Variants in KCND2 observed in about 807,000 individuals in gnomAD.
KCND2 encodes A-type voltage-gated potassium channel KCND2.
In KCND2, 16 loss-of-function variants were observed where a neutral mutation model predicts 54.4. The ratio of observed to expected loss-of-function variants is 0.29; its 90% confidence interval spans 0.20 to 0.45. KCND2 has a LOEUF of 0.45. Among genes scored for constraint, KCND2 ranks in the 20% least tolerant of loss-of-function variants. The pLI, the probability that KCND2 is intolerant of heterozygous loss-of-function variation, is 1.00. For missense variants in KCND2, 486 were observed against 824.2 expected, an observed-to-expected ratio of 0.59 and a Z score of 5.02; for synonymous variants, 317 against 310.7, an observed-to-expected ratio of 1.02 and a Z score of -0.21.
At chr7:120,565,669 G>A (rs1584830647) in intron 1 of KCND2, among the ~76,000 whole-genome samples, 2 of 152,114 alleles carry the variant, frequency 1.3e-5, no homozygotes, top group African/African-American at 4.8e-5. Flanking sequence ...AAAATAAAGT[G>A]CATATCTATT....
At chr7:120,722,423 C>T (rs766618223) in intron 1 of KCND2, among the ~76,000 whole-genome samples, 5 of 152,192 alleles carry the variant, frequency 3.3e-5, no homozygotes, top group Non-Finnish European at 7.4e-5. Context: ...ACAATACCAT[C>T]ATCTCAGTCA....
At chr7:120,654,370 C>T (rs1376385974) in intron 1 of KCND2, among the ~76,000 whole-genome samples, 1 of 152,118 alleles carries the variant, frequency 6.6e-6, no homozygotes, top group Non-Finnish European at 1.5e-5. Context: ...TTGTATCTTG[C>T]TGGCTAGCAT....
chr7:120,653,341 G>A lies in KCND2; in HGVS notation c.1116-79562G>A, dbSNP rs534502743. The stretch of plus-strand genomic sequence containing the variant: ...AATTATAGATGCAGGCCACCACATC[G>A]GGCCCCTCTTTACAATTCTGCCTCA... On this transcript the variant is annotated intron_variant, in intron 1 of 5. Coordinates refer to ENST00000331113, the MANE Select transcript of KCND2 (RefSeq NM_012281.3). Among the ~76,000 whole-genome samples, 20 of 151,660 alleles carry A rather than the reference G, an allele frequency of 1.3e-4. No individual in the cohort carries two copies. The South Asian group carries it at 2.5e-3, about 19-fold the overall frequency.
intron 1 of KCND2, among the ~76,000 whole-genome samples, chr7:120,551,155 A>G (rs941273232): frequency 6.6e-6 from 1 of 152,250 alleles, no homozygotes; most frequent in Non-Finnish European, 1.5e-5. Flanking sequence ...TGGGGAATAA[A>G]GGGAATAGAA....
chr7:120,732,351 C>G (rs1792818637), intron 1 of KCND2, among the ~76,000 whole-genome samples: 1 of 152,062 alleles, frequency 6.6e-6, no homozygotes, highest in South Asian at 2.1e-4. Flanking sequence ...AACTAATAAG[C>G]TACAAATGAG....
chr7:120,533,153 C>T (rs1293036337), intron 1 of KCND2, among the ~76,000 whole-genome samples: 1 of 152,040 alleles, frequency 6.6e-6, no homozygotes, highest in East Asian at 1.9e-4. Context: ...GATTATTTCA[C>T]CTTAAATTCA....
intron 1 of KCND2, among the ~76,000 whole-genome samples, chr7:120,710,479 A>T (rs1320428273): frequency 2.0e-5 from 3 of 152,184 alleles, no homozygotes; most frequent in Admixed American, 6.6e-5. Context: ...TGTACTCTTC[A>T]GCCTGTTTTG....
intron 1 of KCND2, among the ~76,000 whole-genome samples, chr7:120,578,428 A>T (rs1792468134): frequency 6.6e-6 from 1 of 152,166 alleles, no homozygotes; most frequent in Admixed American, 6.5e-5. Flanking sequence ...ATTAAAACCT[A>T]TCACTTCTGG....
intron 1 of KCND2, among the ~76,000 whole-genome samples, chr7:120,577,879 C>T (rs532005392): frequency 8.5e-5 from 13 of 152,284 alleles, no homozygotes; most frequent in Middle Eastern, 3.4e-3. Context: ...GCCACTGCGC[C>T]AGCCAAAACC....
intron 1 of KCND2, among the ~76,000 whole-genome samples, chr7:120,377,949 TA>T (rs1800859474): frequency 6.6e-6 from 1 of 151,902 alleles, no homozygotes. Context: ...TGACCCCCAC[TA>T]AAGCAATTAA....
chr7:120,590,003 TTTTTTGTTTTTG>T (rs113887678), intron 1 of KCND2, among the ~76,000 whole-genome samples: 74 of 152,222 alleles, frequency 4.9e-4, no homozygotes, highest in African/African-American at 1.5e-3. Context: ...GTTATTTCCT[TTTTTTGTTTTTG>T]TTTTTGTTTT....
At chr7:120,294,294 TGA>T (rs1799477428) in intron 1 of KCND2, among the ~76,000 whole-genome samples, 1 of 151,910 alleles carries the variant, frequency 6.6e-6, no homozygotes. Flanking sequence ...CTTTAGAAAT[TGA>T]GTTTATATTG....
intron 1 of KCND2, among the ~76,000 whole-genome samples, chr7:120,601,854 C>G (rs1792817675): frequency 1.3e-5 from 2 of 152,224 alleles, no homozygotes; most frequent in South Asian, 4.1e-4. Context: ...AATATATAAC[C>G]CTTTCTCACC....
At chr7:120,400,590 ATTAT>A (rs1275886229) in intron 1 of KCND2, among the ~76,000 whole-genome samples, 7 of 148,098 alleles carry the variant, frequency 4.7e-5, no homozygotes, top group Admixed American at 4.6e-4. Flanking sequence ...AAAGTAAATA[ATTAT>A]TTAATCAATT....
intron 1 of KCND2, among the ~76,000 whole-genome samples, chr7:120,419,875 C>G (rs938863021): frequency 2.0e-5 from 3 of 151,804 alleles, no homozygotes; most frequent in African/African-American, 7.3e-5. Context: ...AATGGCTGGC[C>G]TAAATAAACT....
At chr7:120,648,082 A>C (rs548009386) in intron 1 of KCND2, among the ~76,000 whole-genome samples, 1 of 152,336 alleles carries the variant, frequency 6.6e-6, no homozygotes, top group East Asian at 1.9e-4. Context: ...TGATAAAAAT[A>C]GGTTTTTCTG....
intron 1 of KCND2, among the ~76,000 whole-genome samples, chr7:120,420,560 G>A (rs187052949): frequency 7.5e-4 from 114 of 152,248 alleles, no homozygotes; most frequent in Admixed American, 2.4e-3. Flanking sequence ...AGAGGTACTG[G>A]GTGCTTACTT....
At chr7:120,468,375 G>C (rs1258749075) in intron 1 of KCND2, among the ~76,000 whole-genome samples, 1 of 151,942 alleles carries the variant, frequency 6.6e-6, no homozygotes, top group Admixed American at 6.6e-5. Context: ...CTCTACAGTG[G>C]GTTGGAAAAT....
chr7:120,487,400 A>C (rs976054293), intron 1 of KCND2, among the ~76,000 whole-genome samples: 7 of 152,206 alleles, frequency 4.6e-5, no homozygotes, highest in Non-Finnish European at 1.0e-4. Context: ...AATGGGATAG[A>C]ATAAAAAAGA....
Sources: gnomAD v4.1 joint callset for allele counts (sites outside exome capture counted in the v4.1 genomes callset) on GRCh38, gnomAD v4.1.1 for gene constraint, MANE v1.5 for transcripts, NCBI Gene and HGNC (gene_info 2026-07-23, HGNC 2026-07-21) for gene names.